RUNX2: variants seen among roughly 807,000 people sequenced by gnomAD.
The protein encoded by RUNX2 is runt-related transcription factor 2.
A neutral mutation model predicts 51.7 loss-of-function variants in RUNX2; 10 were observed. The ratio of observed to expected loss-of-function variants is 0.19; its 90% CI spans 0.12 to 0.33. The LOEUF (loss-of-function observed/expected upper bound fraction) is 0.33, where lower values mean the gene tolerates loss of function less well. Among genes scored for constraint, RUNX2 ranks in the 10% least tolerant of loss-of-function variants. The pLI, the probability that RUNX2 is intolerant of heterozygous loss-of-function variation, is 1.00. For missense variants in RUNX2, 562 were observed against 691.3 expected (o/e 0.81, Z 2.10); for synonymous variants, 276 against 273.6 (o/e 1.01, Z -0.09).
intron 7 of RUNX2, among the ~76,000 whole-genome samples, chr6:45,524,808 G>A (rs951923425): frequency 2.0e-5 from 3 of 152,164 alleles, no homozygotes; most frequent in Non-Finnish European, 4.4e-5. Context: ...TACATTCTCA[G>A]TGTGGCTTAA....
At chr6:45,366,740 G>C (rs1795204818) in intron 2 of RUNX2, among the ~76,000 whole-genome samples, 1 of 151,964 alleles carries the variant, frequency 6.6e-6, no homozygotes, top group Non-Finnish European at 1.5e-5. Context: ...TAGTCACTTG[G>C]GCTCAAAGTC....
intron 3 of RUNX2, among the ~76,000 whole-genome samples, chr6:45,428,080 C>T (rs1370349757): frequency 6.6e-6 from 1 of 152,122 alleles, no homozygotes; most frequent in Admixed American, 6.5e-5. Flanking sequence ...TTAAGATCAT[C>T]ACAAATTATT....
intron 7 of RUNX2, among the ~76,000 whole-genome samples, chr6:45,538,677 T>G (rs1161643706): frequency 6.6e-6 from 1 of 152,104 alleles, no homozygotes; most frequent in Non-Finnish European, 1.5e-5. Context: ...CCTTTTTTTT[T>G]TTGGCTGGCT....
intron 2 of RUNX2, among the ~76,000 whole-genome samples, chr6:45,350,665 G>A (rs1791825810): frequency 1.3e-5 from 2 of 152,134 alleles, no homozygotes; most frequent in South Asian, 2.1e-4. Context: ...CTGCTAAGAT[G>A]TGGTCATAAT....
intron 5 of RUNX2, among the ~76,000 whole-genome samples, chr6:45,479,627 A>G (rs1031852145): frequency 6.6e-5 from 10 of 152,230 alleles, no homozygotes; most frequent in Admixed American, 1.3e-4. Context: ...TATATTTCAT[A>G]TGGACCAAAG....
intron 2 of RUNX2, chr6:45,421,025 G>A (rs1009523774): frequency 3.3e-5 from 5 of 152,034 alleles, no homozygotes; most frequent in African/African-American, 1.2e-4. Flanking sequence ...ATCCAAAGTC[G>A]CTTTTTAAAC....
At chr6:45,427,894 A>G (rs1798426226) in intron 3 of RUNX2, among the ~76,000 whole-genome samples, 1 of 152,164 alleles carries the variant, frequency 6.6e-6, no homozygotes, top group Non-Finnish European at 1.5e-5. Flanking sequence ...CTTCTACTTT[A>G]TTTTGTGCAA....
intron 2 of RUNX2, among the ~76,000 whole-genome samples, chr6:45,343,572 ACTCT>A (rs533356317): frequency 6.6e-6 from 1 of 152,078 alleles, no homozygotes; most frequent in Non-Finnish European, 1.5e-5. Flanking sequence ...TATGTACATA[ACTCT>A]CTCTTGTAAA....
chr6:45,445,245 C>T (rs530285103), intron 5 of RUNX2, among the ~76,000 whole-genome samples: 1 of 152,138 alleles, frequency 6.6e-6, no homozygotes, highest in East Asian at 1.9e-4. Flanking sequence ...AGGCTGGTCT[C>T]AAACTCCTGA....
At chr6:45,386,398 T>C (rs937343741) in intron 2 of RUNX2, among the ~76,000 whole-genome samples, 2 of 152,158 alleles carry the variant, frequency 1.3e-5, no homozygotes, top group African/African-American at 4.8e-5. Context: ...AAATTGGAGA[T>C]CATTTCCTTC....
chr6:45,442,713 G>A (rs905825543), intron 5 of RUNX2, among the ~76,000 whole-genome samples: 1 of 152,138 alleles, frequency 6.6e-6, no homozygotes, highest in East Asian at 1.9e-4. Context: ...TTATGATTCT[G>A]TGGGTTGATT....
At chr6:45,421,164 A>G (rs1283077102) in intron 2 of RUNX2, 1 of 152,218 alleles carries the variant, frequency 6.6e-6, no homozygotes, top group Admixed American at 6.5e-5. Context: ...GATGTAGAAT[A>G]GACTTAATAA....
intron 2 of RUNX2, among the ~76,000 whole-genome samples, chr6:45,410,777 T>A (rs1448839287): frequency 1.3e-5 from 2 of 152,206 alleles, no homozygotes; most frequent in Non-Finnish European, 2.9e-5. Flanking sequence ...GGAACCTACA[T>A]GTTGCCCCTT....
chr6:45,424,099 G>T (rs1272293925), intron 3 of RUNX2, among the ~76,000 whole-genome samples: 1 of 152,274 alleles, frequency 6.6e-6, no homozygotes, highest in Non-Finnish European at 1.5e-5. Context: ...TCGAAGGCTT[G>T]AGAGCGGCCT....
chr6:45,420,264 CGCGACT>C (rs1798151552), intron 2 of RUNX2, among the ~76,000 whole-genome samples: 1 of 152,154 alleles, frequency 6.6e-6, no homozygotes, highest in East Asian at 1.9e-4. Context: ...CTCCAGAGTC[CGCGACT>C]GGCACCAGGC....
intron 7 of RUNX2, among the ~76,000 whole-genome samples, chr6:45,516,658 T>C (rs548841539): frequency 1.1e-4 from 17 of 152,332 alleles, no homozygotes; most frequent in African/African-American, 3.6e-4. Context: ...TTGATTCTAG[T>C]CAAGGGTAAG....
intron 2 of RUNX2, chr6:45,421,146 T>G (rs1217122331): frequency 1.3e-5 from 2 of 152,192 alleles, no homozygotes; most frequent in East Asian, 3.8e-4. Context: ...ACACGAAACT[T>G]AGTCTTAGAT....
intron 8 of RUNX2, 137 bp downstream of exon 8, chr6:45,545,419 G>T: frequency 1.1e-6 from 1 of 943,000 alleles, no homozygotes. Context: ...TGCACATCAT[G>T]GCACTTAACC....
chr6:45,537,328 A>T (rs1187984635), intron 7 of RUNX2, among the ~76,000 whole-genome samples: 1 of 152,134 alleles, frequency 6.6e-6, no homozygotes, highest in Non-Finnish European at 1.5e-5. Context: ...AGGCTGCTAG[A>T]TTCACATGAA....
Sources: gnomAD v4.1 joint callset for allele counts (sites outside exome capture counted in the v4.1 genomes callset) on GRCh38, gnomAD v4.1.1 for gene constraint, MANE v1.5 for transcripts, NCBI Gene and HGNC (gene_info 2026-07-23, HGNC 2026-07-21) for gene names.